Variants in ST6GALNAC3 observed in about 807,000 individuals in gnomAD.
The protein encoded by ST6GALNAC3 is alpha-N-acetylgalactosaminide alpha-2,6-sialyltransferase 3.
Under a neutral mutation model 32.7 loss-of-function variants are expected in ST6GALNAC3, and 25 were observed. The ratio of observed to expected loss-of-function variants is 0.76; its 90% CI spans 0.56 to 1.07. ST6GALNAC3 has a LOEUF of 1.07. Among genes scored for constraint, ST6GALNAC3 ranks in the 50% least tolerant of loss-of-function variants. The pLI is 0.00. For synonymous variants in ST6GALNAC3, 129 were observed against 133.1 expected (o/e 0.97, Z 0.21); for missense variants, 355 against 382.4 (o/e 0.93, Z 0.60).
At chr1:76,149,527 GAT>G (rs201837394) in intron 1 of ST6GALNAC3, among the ~76,000 whole-genome samples, 1 of 151,902 alleles carries the variant, frequency 6.6e-6, no homozygotes, top group South Asian at 2.1e-4. Flanking sequence ...TGTACAACAT[GAT>G]ATATATATAT....
intron 2 of ST6GALNAC3, among the ~76,000 whole-genome samples, chr1:76,378,103 T>C (rs1202338141): frequency 6.6e-6 from 1 of 152,176 alleles, no homozygotes; most frequent in Non-Finnish European, 1.5e-5. Context: ...GTCCCTACCT[T>C]AGACTGATGG....
chr1:76,189,372 CT>C (rs1429928796), intron 1 of ST6GALNAC3, among the ~76,000 whole-genome samples: 1 of 152,150 alleles, frequency 6.6e-6, no homozygotes, highest in Non-Finnish European at 1.5e-5. Context: ...ACCTTTCTGC[CT>C]TTTTTGGATC....
chr1:76,517,743 A>G lies in ST6GALNAC3; in HGVS notation c.623+105326A>G, dbSNP rs144327839. On this transcript the variant is annotated intron_variant, in intron 3 of 4. Coordinates refer to ENST00000328299, the MANE Select transcript of ST6GALNAC3 (RefSeq NM_152996.4). ...TATCTTTGCAGTAGCCTATTTTAGT[A>G]TATATTCACAGCGACTCAGTGATTT... Among the ~76,000 whole-genome samples the G allele has an allele frequency of 6.2e-3, 948 of 151,952 alleles. 19 individuals are homozygous for G. The highest frequency in any genetic ancestry group is 0.022 in the African/African-American group (908 of 41,494).
intron 1 of ST6GALNAC3, among the ~76,000 whole-genome samples, chr1:76,260,312 CT>C (rs1658153514): frequency 6.6e-6 from 1 of 152,218 alleles, no homozygotes; most frequent in Non-Finnish European, 1.5e-5. Flanking sequence ...TCCTGGCAGC[CT>C]TAAGCGTATT....
intron 3 of ST6GALNAC3, among the ~76,000 whole-genome samples, chr1:76,489,125 A>G (rs560285172): frequency 1.3e-5 from 2 of 152,280 alleles, no homozygotes; most frequent in African/African-American, 4.8e-5. Flanking sequence ...AACATTTATT[A>G]CTTAAATTAA....
At chr1:76,344,201 G>A (rs376753572) in intron 2 of ST6GALNAC3, among the ~76,000 whole-genome samples, 1 of 152,192 alleles carries the variant, frequency 6.6e-6, no homozygotes, top group African/African-American at 2.4e-5. Context: ...TCTGAGAGCT[G>A]AATGATGAGA....
At chr1:76,198,532 T>G (rs909553649) in intron 1 of ST6GALNAC3, among the ~76,000 whole-genome samples, 20 of 152,182 alleles carry the variant, frequency 1.3e-4, no homozygotes, top group African/African-American at 4.6e-4. Context: ...GCTGTAGGAA[T>G]GGAGACAACT....
At chr1:76,161,989 A>G (rs756069751) in intron 1 of ST6GALNAC3, among the ~76,000 whole-genome samples, 2 of 152,216 alleles carry the variant, frequency 1.3e-5, no homozygotes, top group East Asian at 3.9e-4. Context: ...GCCAATGCCA[A>G]TTGGCAGACA....
At position 76,336,618 on chromosome 1, in the gene ST6GALNAC3, A is replaced by G. The variant is rs146042646; in HGVS notation, c.213+22619A>G. Among the ~76,000 whole-genome samples, 688 of 152,284 alleles carry G rather than the reference A, an allele frequency of 4.5e-3. 5 individuals are homozygous for G. The highest frequency in any genetic ancestry group is 7.3e-3 in the Non-Finnish European group (497 of 68,016). On this transcript the variant is annotated intron_variant, in intron 2 of 4. Coordinates refer to ENST00000328299, the MANE Select transcript of ST6GALNAC3 (RefSeq NM_152996.4). ...AGGAAACTAAGTCACTAAAAGTTTA[A>G]ATGACTGGTCCACATGAAAACAGCT...
intron 2 of ST6GALNAC3, among the ~76,000 whole-genome samples, chr1:76,329,209 C>T (rs1232810268): frequency 6.6e-6 from 1 of 152,190 alleles, no homozygotes; most frequent in East Asian, 1.9e-4. Context: ...CTTGACATTT[C>T]TCAGCTAGTA....
chr1:76,243,847 G>A (rs1657104278), intron 1 of ST6GALNAC3, among the ~76,000 whole-genome samples: 1 of 152,164 alleles, frequency 6.6e-6, no homozygotes, highest in Non-Finnish European at 1.5e-5. Flanking sequence ...TTTGGTTACT[G>A]TAGCCTTATA....
At chr1:76,391,241 A>C (rs552223859) in intron 2 of ST6GALNAC3, among the ~76,000 whole-genome samples, 24 of 152,192 alleles carry the variant, frequency 1.6e-4, no homozygotes, top group African/African-American at 5.8e-4. Context: ...CGCCTGGCCC[A>C]AAATGCTTAT....
At chr1:76,529,904 G>T (rs1429328836) in intron 3 of ST6GALNAC3, among the ~76,000 whole-genome samples, 3 of 152,160 alleles carry the variant, frequency 2.0e-5, no homozygotes, top group Admixed American at 6.6e-5. Flanking sequence ...CATATAAAAT[G>T]CTCACAAAAG....
chr1:76,228,541 T>G (rs896119481), intron 1 of ST6GALNAC3, among the ~76,000 whole-genome samples: 12 of 152,190 alleles, frequency 7.9e-5, no homozygotes, highest in East Asian at 5.8e-4. Flanking sequence ...CCACATTTCC[T>G]TGTCTATTTT....
At chr1:76,290,028 A>G (rs1243807250) in intron 1 of ST6GALNAC3, among the ~76,000 whole-genome samples, 2 of 152,190 alleles carry the variant, frequency 1.3e-5, no homozygotes, top group Non-Finnish European at 2.9e-5. Context: ...GTAGTTTCAC[A>G]CTCATTATCT....
At chr1:76,329,878 T>G (rs1364489242) in intron 2 of ST6GALNAC3, among the ~76,000 whole-genome samples, 8 of 152,058 alleles carry the variant, frequency 5.3e-5, no homozygotes, top group African/African-American at 1.9e-4. Context: ...GTGCAATCTC[T>G]GCTCACTGCA....
intron 2 of ST6GALNAC3, among the ~76,000 whole-genome samples, chr1:76,378,239 T>C (rs1044599767): frequency 1.3e-5 from 2 of 152,224 alleles, no homozygotes; most frequent in Admixed American, 6.5e-5. Flanking sequence ...ATTGATAACA[T>C]TGTCCCTAGT....
intron 3 of ST6GALNAC3, among the ~76,000 whole-genome samples, chr1:76,604,207 C>T (rs1647380588): frequency 6.6e-6 from 1 of 152,080 alleles, no homozygotes; most frequent in Non-Finnish European, 1.5e-5. Context: ...ATAAAGAACA[C>T]AAGATTACCA....
At chr1:76,414,608 G>T (rs1654489504) in intron 3 of ST6GALNAC3, among the ~76,000 whole-genome samples, 1 of 152,028 alleles carries the variant, frequency 6.6e-6, no homozygotes, top group Non-Finnish European at 1.5e-5. Flanking sequence ...CAAACTTATA[G>T]AGACACTAGT....
Sources: gnomAD v4.1 joint callset for allele counts (sites outside exome capture counted in the v4.1 genomes callset) on GRCh38, gnomAD v4.1.1 for gene constraint, MANE v1.5 for transcripts, NCBI Gene and HGNC (gene_info 2026-07-23, HGNC 2026-07-21) for gene names.